Variants in MAGI2 observed in about 807,000 individuals in gnomAD.
MAGI2 encodes membrane-associated guanylate kinase, WW and PDZ domain-containing protein 2.
A neutral mutation model predicts 133.3 loss-of-function variants in MAGI2; 35 were observed. That is an observed-to-expected ratio of 0.26 (90% CI 0.20 to 0.35). The LOEUF (loss-of-function observed/expected upper bound fraction) is 0.35. Ranked by LOEUF, MAGI2 falls within the 10% of genes least tolerant of loss-of-function variation. MAGI2 has a pLI of 1.00. For missense variants in MAGI2, 1,636 were observed against 1,863.4 expected (o/e 0.88, Z 2.25); for synonymous variants, 729 against 710.6 (o/e 1.03, Z -0.41).
intron 11 of MAGI2, among the ~76,000 whole-genome samples, chr7:78,199,926 G>A (rs1028660335): frequency 1.3e-5 from 2 of 152,286 alleles, no homozygotes; most frequent in African/African-American, 2.4e-5. Flanking sequence ...TGATGAGGTC[G>A]CAAGGTTCCT....
intron 21 of MAGI2, among the ~76,000 whole-genome samples, chr7:78,055,340 G>A (rs900337303): frequency 6.6e-6 from 1 of 152,196 alleles, no homozygotes; most frequent in African/African-American, 2.4e-5. Flanking sequence ...CCCATAGGGA[G>A]TGCCTTAGCC....
chr7:78,214,068 A>G (rs914701489), intron 10 of MAGI2, among the ~76,000 whole-genome samples: 19 of 152,188 alleles, frequency 1.2e-4, no homozygotes, highest in African/African-American at 4.1e-4. Context: ...TGACCTCTAC[A>G]TCATTAACTT....
rs192297757 is a variant in MAGI2, at chr7:79,392,032, C to T, written c.301+60988G>A. Among the ~76,000 whole-genome samples, 309 of 152,166 alleles carry T rather than the reference C, an allele frequency of 2.0e-3. 14 individuals are homozygous for T. The highest frequency in any genetic ancestry group is 0.02 in the Admixed American group (302 of 15,280). On this transcript the variant is annotated intron_variant, in intron 1 of 21. Coordinates refer to ENST00000354212, the MANE Select transcript of MAGI2 (RefSeq NM_012301.4). ...TGACTCACCACCCTCCGACAGGCCC[C>T]GGTGTGTGATATTCCCTTCCCTGTT...
At chr7:79,019,866 A>G (rs1369897377) in intron 1 of MAGI2, among the ~76,000 whole-genome samples, 1 of 152,060 alleles carries the variant, frequency 6.6e-6, no homozygotes, top group South Asian at 2.1e-4. Flanking sequence ...ATTTCTTCAT[A>G]GCAGCATGAG....
chr7:78,778,863 C>T (rs1234749299), intron 2 of MAGI2, among the ~76,000 whole-genome samples: 2 of 150,348 alleles, frequency 1.3e-5, no homozygotes, highest in Non-Finnish European at 2.9e-5. Context: ...CAGAATCTAG[C>T]ATATAATAAT....
At chr7:78,988,600 T>A (rs745564075) in intron 2 of MAGI2, among the ~76,000 whole-genome samples, 10 of 152,116 alleles carry the variant, frequency 6.6e-5, no homozygotes, top group Admixed American at 5.2e-4. Context: ...ATAATTGATC[T>A]TCTGTAAGCT....
rs534520420 is a variant in MAGI2 at position 78,715,986 on chromosome 7, A to AC, written c.419-88748dup. Among the ~76,000 whole-genome samples, 259 of 152,332 alleles carry AC rather than the reference A, an allele frequency of 1.7e-3. 2 individuals carry two copies. Among genetic ancestry groups the AC allele is most frequent in the African/African-American group, 5.8e-3 (242 of 41,576 alleles). On this transcript the variant is annotated intron_variant, in intron 2 of 21. Coordinates refer to ENST00000354212, the MANE Select transcript of MAGI2 (RefSeq NM_012301.4). ...TAGAAAATGGAGATTCAACACTCAT[A>AC]CCTAAAACCAAATTGCCCTTCACGT...
intron 2 of MAGI2, among the ~76,000 whole-genome samples, chr7:78,976,359 T>C (rs1804248150): frequency 6.6e-6 from 1 of 151,486 alleles, no homozygotes; most frequent in African/African-American, 2.4e-5. Context: ...TGGAAAAGCA[T>C]TTGACAAAAT....
At chr7:78,801,955 G>A (rs1788098449) in intron 2 of MAGI2, among the ~76,000 whole-genome samples, 1 of 152,136 alleles carries the variant, frequency 6.6e-6, no homozygotes, top group African/African-American at 2.4e-5. Flanking sequence ...ACACTGAGGT[G>A]AGCAGAGAAT....
At chr7:79,124,076 G>A (rs528169261) in intron 1 of MAGI2, among the ~76,000 whole-genome samples, 1 of 151,910 alleles carries the variant, frequency 6.6e-6, no homozygotes, top group Admixed American at 6.6e-5. Context: ...TTAGCATGAG[G>A]GCATTTGTTA....
At chr7:78,331,515 A>C (rs914995877) in intron 9 of MAGI2, among the ~76,000 whole-genome samples, 1 of 152,190 alleles carries the variant, frequency 6.6e-6, no homozygotes, top group African/African-American at 2.4e-5. Flanking sequence ...AGTGATAATA[A>C]CTGCTTAAAT....
intron 2 of MAGI2, among the ~76,000 whole-genome samples, chr7:78,841,507 C>G (rs1041027776): frequency 5.9e-5 from 9 of 151,952 alleles, no homozygotes; most frequent in Non-Finnish European, 1.3e-4. Context: ...ATGCCTTATG[C>G]ATCCCTCTCA....
chr7:78,531,145 C>G (rs13244963), intron 3 of MAGI2, among the ~76,000 whole-genome samples: 21,848 of 151,330 alleles, frequency 0.14, 2,098 homozygotes, highest in Non-Finnish European at 0.21. Context: ...CAGTTAGTAA[C>G]AAACTTATAA....
At chr7:78,893,716 C>T (rs1008150512) in intron 2 of MAGI2, among the ~76,000 whole-genome samples, 1 of 146,308 alleles carries the variant, frequency 6.8e-6, no homozygotes, top group Admixed American at 6.8e-5. Context: ...AACATCACAC[C>T]GGGGCCTGTT....
chr7:79,391,508 CATATATATATATATATAT>C (rs1286692402), intron 1 of MAGI2, among the ~76,000 whole-genome samples: 1 of 69,208 alleles, frequency 1.4e-5, no homozygotes, highest in Non-Finnish European at 2.4e-5. Context: ...TATATATAGA[CATATATATATATATATAT>C]ATATATATAT....
At chr7:79,255,604 A>T (rs1317480131) in intron 1 of MAGI2, among the ~76,000 whole-genome samples, 1 of 152,226 alleles carries the variant, frequency 6.6e-6, no homozygotes, top group East Asian at 1.9e-4. Flanking sequence ...AAATAGTACC[A>T]GATTAAATCA....
chr7:78,255,531 G>A, intron 10 of MAGI2: 1 of 341,184 alleles, frequency 2.9e-6, no homozygotes, highest in Non-Finnish European at 5.3e-6. Flanking sequence ...CCACCTGCTA[G>A]CCTGGAAACC....
chr7:78,588,471 CAT>C (rs1803649737), intron 3 of MAGI2, among the ~76,000 whole-genome samples: 2 of 152,152 alleles, frequency 1.3e-5, no homozygotes, highest in African/African-American at 2.4e-5. Flanking sequence ...AGGCAGATAA[CAT>C]ATGTGCAAAT....
chr7:79,115,607 G>T (rs914834352), intron 1 of MAGI2, among the ~76,000 whole-genome samples: 1 of 152,194 alleles, frequency 6.6e-6, no homozygotes, highest in South Asian at 2.1e-4. Flanking sequence ...GCTGGGAATT[G>T]TCAGGTAATT....
Sources: allele counts gnomAD v4.1 joint callset (sites outside exome capture counted in the v4.1 genomes callset), GRCh38; gene constraint gnomAD v4.1.1; transcripts MANE v1.5; gene names NCBI Gene and HGNC (gene_info 2026-07-23, HGNC 2026-07-21).